Variants in SUCLG2 observed in about 807,000 individuals in gnomAD.
The protein encoded by SUCLG2 is succinate--CoA ligase [GDP-forming] subunit beta, mitochondrial.
In SUCLG2, 42 loss-of-function variants were observed where a neutral mutation model predicts 47.9. The ratio of observed to expected loss-of-function variants is 0.88; its 90% CI spans 0.69 to 1.14. The LOEUF (loss-of-function observed/expected upper bound fraction) is 1.14, where lower values mean the gene tolerates loss of function less well. Ranked by LOEUF, SUCLG2 falls within the 50% of genes most tolerant of loss-of-function variation. The probability of loss-of-function intolerance (pLI) is 0.00; values close to 1 mark genes in which losing one functional copy is unlikely to be tolerated. For synonymous variants in SUCLG2, 195 were observed against 197.3 expected (o/e 0.99, Z 0.10); for missense variants, 571 against 525.9 (o/e 1.09, Z -0.84).
intron 10 of SUCLG2, among the ~76,000 whole-genome samples, chr3:67,388,202 A>T (rs954371875): frequency 5.3e-5 from 8 of 152,202 alleles, no homozygotes; most frequent in African/African-American, 1.7e-4. Flanking sequence ...TGCCTTCCAA[A>T]TTTATGCAAA....
At chr3:67,464,907 C>T (rs986659337) in intron 9 of SUCLG2, among the ~76,000 whole-genome samples, 8 of 152,102 alleles carry the variant, frequency 5.3e-5, no homozygotes, top group Non-Finnish European at 7.4e-5. Flanking sequence ...TCAAAGAGGG[C>T]ATGGCATAGT....
chr3:67,633,907 T>C (rs1301540889), intron 1 of SUCLG2, among the ~76,000 whole-genome samples: 1 of 152,164 alleles, frequency 6.6e-6, no homozygotes, highest in Non-Finnish European at 1.5e-5. Flanking sequence ...TTATATTTTA[T>C]ATATTTTGTC....
At position 67,470,848 on chromosome 3, in the gene SUCLG2, T is replaced by C. The variant is rs140545522; in HGVS notation, c.1062+24950A>G. On this transcript the variant is annotated intron_variant, in intron 9 of 10. Coordinates refer to ENST00000307227, the MANE Select transcript of SUCLG2 (RefSeq NM_003848.4). ...GAGTTCTCAGTTGCCACCACTTAGA[T>C]AGAAAGATACCCACTGCCATCCTTT... is the stretch of plus-strand genomic sequence containing the variant. Among the ~76,000 whole-genome samples the C allele has an allele frequency of 6.1e-3, 923 of 152,356 alleles. 8 individuals are homozygous for C. Among genetic ancestry groups the C allele is most frequent in the Non-Finnish European group, 8.0e-3 (545 of 68,026 alleles).
At position 67,631,762 on chromosome 3, in the gene SUCLG2, A is replaced by G. The variant is rs2107352768; in HGVS notation, c.85-22166T>C. On this transcript the variant is annotated intron_variant, in intron 1 of 10. Coordinates refer to ENST00000307227, the MANE Select transcript of SUCLG2 (RefSeq NM_003848.4). ...GATTTGTCAGTGTCTGCCACGTCCC[A>G]TGAGACTATGATGGTCTCAAAGGCA... Among the ~76,000 whole-genome samples, 2 of 152,366 alleles carry G rather than the reference A, an allele frequency of 1.3e-5. 1 individual carries two copies. The highest frequency in any genetic ancestry group is 2.9e-5 in the Non-Finnish European group (2 of 68,028).
At chr3:67,568,669 C>T (rs938248127) in intron 2 of SUCLG2, among the ~76,000 whole-genome samples, 2 of 152,066 alleles carry the variant, frequency 1.3e-5, no homozygotes, top group African/African-American at 4.8e-5. Flanking sequence ...GGGCGGATCA[C>T]GAGGTCAGGA....
intron 9 of SUCLG2, among the ~76,000 whole-genome samples, chr3:67,463,688 T>C (rs1704394143): frequency 6.6e-6 from 1 of 152,240 alleles, no homozygotes; most frequent in African/African-American, 2.4e-5. Flanking sequence ...TTATATTTAA[T>C]TTAGATACTG....
intron 1 of SUCLG2, among the ~76,000 whole-genome samples, chr3:67,621,248 C>G (rs1700731516): frequency 6.6e-6 from 1 of 151,006 alleles, no homozygotes; most frequent in African/African-American, 2.4e-5. Context: ...GAGGTGGGGA[C>G]AGAAAGAAAT....
intron 10 of SUCLG2, among the ~76,000 whole-genome samples, chr3:67,393,245 G>T (rs1295428380): frequency 6.6e-6 from 1 of 152,256 alleles, no homozygotes; most frequent in Non-Finnish European, 1.5e-5. Context: ...AGTGCAAGGG[G>T]TCAGGGAGTT....
chr3:67,517,535 C>T (rs1012776314), intron 6 of SUCLG2, among the ~76,000 whole-genome samples: 8 of 152,106 alleles, frequency 5.3e-5, no homozygotes, highest in African/African-American at 1.9e-4. Flanking sequence ...GAAGCTTGCC[C>T]CACTAGACAC....
chr3:67,504,642 A>G (rs966710551), intron 7 of SUCLG2, among the ~76,000 whole-genome samples: 3 of 152,166 alleles, frequency 2.0e-5, no homozygotes, highest in Admixed American at 2.0e-4. Flanking sequence ...GTTTAGCATT[A>G]TCCACGCCAG....
At chr3:67,554,950 G>C (rs545435014) in intron 2 of SUCLG2, among the ~76,000 whole-genome samples, 2 of 152,288 alleles carry the variant, frequency 1.3e-5, no homozygotes, top group East Asian at 3.9e-4. Flanking sequence ...GCATACTGGA[G>C]ATCAAGTACC....
chr3:67,576,511 A>G (rs1313130722), intron 2 of SUCLG2, among the ~76,000 whole-genome samples: 1 of 152,236 alleles, frequency 6.6e-6, no homozygotes, highest in Non-Finnish European at 1.5e-5. Context: ...CTCTTTAAAT[A>G]GAAAATAGAT....
chr3:67,590,169 G>A (rs1227070312), intron 2 of SUCLG2, among the ~76,000 whole-genome samples: 1 of 152,042 alleles, frequency 6.6e-6, no homozygotes, highest in East Asian at 1.9e-4. Context: ...AATAATTCCT[G>A]TCCTGTCAAC....
chr3:67,531,883 A>G (rs1419337208), intron 2 of SUCLG2, among the ~76,000 whole-genome samples: 2 of 152,126 alleles, frequency 1.3e-5, no homozygotes, highest in East Asian at 3.9e-4. Context: ...TTCATTCAGT[A>G]TTTACCAAAT....
intron 2 of SUCLG2, among the ~76,000 whole-genome samples, chr3:67,579,335 A>ACATAATTTAATT (rs1207332644): frequency 9.9e-5 from 15 of 152,184 alleles, no homozygotes; most frequent in Non-Finnish European, 2.2e-4. Context: ...AGTTCTCTAC[A>ACATAATTTAATT]CATAATTTAA....
chr3:67,388,415 G>A (rs997007011), intron 10 of SUCLG2, among the ~76,000 whole-genome samples: 2 of 152,060 alleles, frequency 1.3e-5, no homozygotes, highest in Admixed American at 1.3e-4. Flanking sequence ...ATAGATACAG[G>A]GTCTCACACT....
intron 5 of SUCLG2, among the ~76,000 whole-genome samples, chr3:67,519,775 T>C (rs1248981123): frequency 1.3e-5 from 2 of 152,232 alleles, no homozygotes; most frequent in Non-Finnish European, 2.9e-5. Flanking sequence ...TATGTTTTTC[T>C]CCTCATAGCT....
At chr3:67,439,028 G>T (rs1448681281) in intron 9 of SUCLG2, among the ~76,000 whole-genome samples, 4 of 152,126 alleles carry the variant, frequency 2.6e-5, no homozygotes, top group African/African-American at 9.7e-5. Context: ...ACATCAAAAA[G>T]CTTTTCTACC....
At chr3:67,535,234 AACT>A (rs1559561742) in intron 2 of SUCLG2, among the ~76,000 whole-genome samples, 1 of 152,162 alleles carries the variant, frequency 6.6e-6, no homozygotes, top group African/African-American at 2.4e-5. Context: ...AAGGAGGCAG[AACT>A]ACTATGACTT....
Sources: allele counts gnomAD v4.1 joint callset (sites outside exome capture counted in the v4.1 genomes callset), GRCh38; gene constraint gnomAD v4.1.1; transcripts MANE v1.5; gene names NCBI Gene and HGNC (gene_info 2026-07-23, HGNC 2026-07-21).